The following GPATCH8 variants were observed in gnomAD, a reference collection of about 807,000 sequenced individuals.
GPATCH8 encodes the protein G patch domain-containing protein 8.
In GPATCH8, 18 loss-of-function variants were observed where a neutral mutation model predicts 118.3. The ratio of observed to expected loss-of-function variants is 0.15; its 90% CI spans 0.11 to 0.23. GPATCH8 has a LOEUF of 0.23. GPATCH8 is among the 10% of genes least tolerant of loss of function. GPATCH8 has a pLI of 1.00. For synonymous variants in GPATCH8, 659 were observed against 684.7 expected (o/e 0.96, Z 0.59); for missense variants, 1,631 against 1,873.8 (o/e 0.87, Z 2.39).
chr17:44,411,589 C>T (rs1047435723), intron 6 of GPATCH8, among the ~76,000 whole-genome samples: 3 of 152,132 alleles, frequency 2.0e-5, no homozygotes, highest in Admixed American at 2.0e-4. Flanking sequence ...CAGAATATTT[C>T]CTACTGCCAC....
intron 2 of GPATCH8, 170 bp from the exon 3 acceptor site, chr17:44,464,714 G>C: frequency 1.6e-6 from 1 of 624,622 alleles, no homozygotes; most frequent in Non-Finnish European, 2.9e-6. Flanking sequence ...AATGTAAAAA[G>C]AAAAGCTGGC....
intron 1 of GPATCH8, among the ~76,000 whole-genome samples, chr17:44,482,716 T>C (rs961740176): frequency 1.3e-5 from 2 of 151,690 alleles, no homozygotes; most frequent in Admixed American, 1.3e-4. Context: ...TTAAAAAAAA[T>C]ATATTTCTAT....
At chr17:44,430,063 C>T (rs1458740803) in intron 5 of GPATCH8, among the ~76,000 whole-genome samples, 3 of 151,672 alleles carry the variant, frequency 2.0e-5, no homozygotes, top group African/African-American at 7.3e-5. Flanking sequence ...AACCAACCAA[C>T]CAACTCACCG....
rs1970236185 is a variant in GPATCH8, at chr17:44,503,314, G to A, written c.45+12C>T. The A allele has an allele frequency of 1.9e-6, 3 of 1,607,204 alleles. No homozygotes were observed. In the South Asian group the frequency reaches 3.4e-5, roughly 18 times the overall value. On this transcript the variant is annotated intron_variant, in intron 1 of 7. Coordinates refer to ENST00000591680, the MANE Select transcript of GPATCH8 (RefSeq NM_001002909.4). ...GCGCCTTCCCCGCATCCTCGGCGACGCCCGTGTTTACCTGAAAGTCTCGGT... is the reference window on the plus strand; with the variant it reads ...GCGCCTTCCCCGCATCCTCGGCGACACCCGTGTTTACCTGAAAGTCTCGGT...
chr17:44,461,216 C>T (rs2051534491), intron 3 of GPATCH8, among the ~76,000 whole-genome samples: 1 of 152,188 alleles, frequency 6.6e-6, no homozygotes, highest in Non-Finnish European at 1.5e-5. Flanking sequence ...GGGTCTTGCT[C>T]TGTCACCCAG....
In GPATCH8 at chr17:44,497,077, G is replaced by A. The variant is rs181355861; in HGVS notation, c.45+6249C>T. ...TAATGCTAAATGGTAATGCTAATAT[G>A]AAAAGAAAATTAATGCCAGACTTAC... On this transcript the variant is annotated intron_variant, in intron 1 of 7. Transcript: ENST00000591680. 2.6e-5 allele frequency among the ~76,000 whole-genome samples: 4 copies of A among 152,238 alleles called. No individual in the cohort carries two copies. The East Asian group carries it at 7.7e-4, about 29-fold the overall frequency.
intron 1 of GPATCH8, among the ~76,000 whole-genome samples, chr17:44,480,456 CTA>C (rs1968137337): frequency 6.6e-6 from 1 of 152,020 alleles, no homozygotes; most frequent in South Asian, 2.1e-4. Flanking sequence ...TGGTTCACGT[CTA>C]TAATCCCAGC....
intron 1 of GPATCH8, among the ~76,000 whole-genome samples, chr17:44,493,983 G>A (rs115311391): frequency 0.012 from 1,856 of 152,188 alleles, 33 homozygotes; most frequent in African/African-American, 0.037. Context: ...TAACATCCTG[G>A]TGCCTCAGTT....
At chr17:44,464,311 AC>A (rs2051675652) in intron 3 of GPATCH8, among the ~76,000 whole-genome samples, 160 bp downstream of exon 3, 1 of 152,236 alleles carries the variant, frequency 6.6e-6, no homozygotes, top group Non-Finnish European at 1.5e-5. Flanking sequence ...CTTAACAGTG[AC>A]TTAAAATACA....
intron 1 of GPATCH8, among the ~76,000 whole-genome samples, chr17:44,483,966 C>A (rs915809252): frequency 6.6e-6 from 1 of 152,014 alleles, no homozygotes; most frequent in South Asian, 2.1e-4. Flanking sequence ...TTCAGCGTCC[C>A]GAGTAGCTAG....
At chr17:44,444,782 G>T (rs2050816951) in intron 3 of GPATCH8, among the ~76,000 whole-genome samples, 1 of 152,000 alleles carries the variant, frequency 6.6e-6, no homozygotes, top group Non-Finnish European at 1.5e-5. Context: ...CTCACGGGGG[G>T]AAAAAAAGTG....
intron 2 of GPATCH8, among the ~76,000 whole-genome samples, chr17:44,467,982 A>C (rs867153520): frequency 3.3e-5 from 5 of 152,168 alleles, no homozygotes; most frequent in African/African-American, 1.2e-4. Flanking sequence ...AATTTTTGCA[A>C]ATTATTCCAA....
chr17:44,397,927 CATG>C lies in GPATCH8; in HGVS notation c.4147_4149del (p.His1383del). ...CCGATGGCGGCAGCAGCTGCGGCAG[CATG>C]ATGTTGTAGGATGGCATGCTGAACA... is the stretch of plus-strand genomic sequence containing the variant. On this transcript the variant is annotated inframe_deletion, in exon 8 of 8. Transcript: ENST00000591680. 6.2e-7 allele frequency: 1 copy of C among 1,613,334 alleles called. No homozygotes were observed. Among genetic ancestry groups the C allele is most frequent in the Non-Finnish European group, 8.5e-7 (1 of 1,179,442 alleles).
intron 3 of GPATCH8, among the ~76,000 whole-genome samples, chr17:44,439,491 G>A (rs2050616663): frequency 6.6e-6 from 1 of 152,124 alleles, no homozygotes; most frequent in Non-Finnish European, 1.5e-5. Flanking sequence ...AAGCAATCTT[G>A]AAGGTGACAT....
intron 6 of GPATCH8, among the ~76,000 whole-genome samples, chr17:44,420,834 G>T (rs925803798): frequency 6.6e-6 from 1 of 152,008 alleles, no homozygotes; most frequent in Non-Finnish European, 1.5e-5. Flanking sequence ...CATTATTGAA[G>T]TTTGAATTAT....
chr17:44,450,772 G>A (rs966808273), intron 3 of GPATCH8, among the ~76,000 whole-genome samples: 2 of 151,902 alleles, frequency 1.3e-5, no homozygotes, highest in African/African-American at 4.8e-5. Context: ...AAATACCAAC[G>A]CTTCTCATGG....
intron 3 of GPATCH8, among the ~76,000 whole-genome samples, chr17:44,451,575 G>A (rs934244492): frequency 2.0e-5 from 3 of 152,156 alleles, no homozygotes; most frequent in Admixed American, 6.5e-5. Flanking sequence ...AATGCCACAG[G>A]AGAGAAACAG....
At chr17:44,435,411 CTTTTTTTTT>C (rs566253126) in intron 4 of GPATCH8, among the ~76,000 whole-genome samples, 3 of 99,742 alleles carry the variant, frequency 3.0e-5, no homozygotes, top group East Asian at 3.1e-4. Flanking sequence ...TCTTTCTTTC[CTTTTTTTTT>C]TTTTTTTTTT....
chr17:44,492,905 G>A (rs1173726304), intron 1 of GPATCH8, among the ~76,000 whole-genome samples: 1 of 152,002 alleles, frequency 6.6e-6, no homozygotes, highest in Non-Finnish European at 1.5e-5. Flanking sequence ...ATGATGCCAC[G>A]ATAACAATCA....
Sources: gnomAD v4.1 joint callset for allele counts (sites outside exome capture counted in the v4.1 genomes callset) on GRCh38, gnomAD v4.1.1 for gene constraint, MANE v1.5 for transcripts, NCBI Gene and HGNC (gene_info 2026-07-23, HGNC 2026-07-21) for gene names.